PPP4R3A: variants seen among roughly 807,000 people sequenced by gnomAD.
PPP4R3A encodes the protein protein phosphatase 4 regulatory subunit 3A.
A neutral mutation model predicts 91.7 loss-of-function variants in PPP4R3A; 15 were observed. The observed-to-expected ratio is 0.16, with a 90% confidence interval of 0.11 to 0.25. The LOEUF is 0.25. Ranked by LOEUF, PPP4R3A falls within the 10% of genes least tolerant of loss-of-function variation. The pLI, the probability that PPP4R3A is intolerant of heterozygous loss-of-function variation, is 1.00. For synonymous variants in PPP4R3A, 377 were observed against 348.7 expected (o/e 1.08, Z -0.91); for missense variants, 623 against 998.4 (o/e 0.62, Z 5.07).
At chr14:91,466,429 G>T in intron 10 of PPP4R3A, 2 of 985,746 alleles carry the variant, frequency 2.0e-6, no homozygotes, top group Non-Finnish European at 2.4e-6. Flanking sequence ...GGGTGGGAAG[G>T]CAGAGGAGTA....
chr14:91,491,238 T>TA (rs1376041826), intron 1 of PPP4R3A, among the ~76,000 whole-genome samples: 4 of 151,734 alleles, frequency 2.6e-5, no homozygotes, highest in Admixed American at 6.6e-5. Context: ...TTTTTCACTT[T>TA]TTGTAGAGAT....
intron 4 of PPP4R3A, among the ~76,000 whole-genome samples, chr14:91,478,915 T>C (rs551462178): frequency 6.6e-6 from 1 of 152,342 alleles, no homozygotes; most frequent in East Asian, 1.9e-4. Flanking sequence ...ATTTTACTTA[T>C]ACACCTGAGG....
intron 1 of PPP4R3A, among the ~76,000 whole-genome samples, chr14:91,505,497 T>TA (rs1390001926): frequency 6.6e-6 from 1 of 150,852 alleles, no homozygotes; most frequent in Non-Finnish European, 1.5e-5. Context: ...CAAAAGCCCC[T>TA]ATCACACTAT....
At chr14:91,486,991 A>C (rs1889930091) in intron 2 of PPP4R3A, among the ~76,000 whole-genome samples, 1 of 151,794 alleles carries the variant, frequency 6.6e-6, no homozygotes, top group Non-Finnish European at 1.5e-5. Context: ...TCATGCCTCT[A>C]ATCACAGCAC....
chr14:91,494,086 TA>T (rs1220948471), intron 1 of PPP4R3A, among the ~76,000 whole-genome samples: 1 of 152,064 alleles, frequency 6.6e-6, no homozygotes, highest in Non-Finnish European at 1.5e-5. Context: ...ACCCCGTCTC[TA>T]CTAAAGACAC....
rs191882303 is a variant in PPP4R3A at position 91,461,058 on chromosome 14, T to A, written c.2391+323A>T. Among the ~76,000 whole-genome samples the A allele has an allele frequency of 2.0e-5, 3 of 152,348 alleles. No individual in the cohort carries two copies. In the East Asian group the frequency reaches 5.8e-4, roughly 29 times the overall value. ...ACAAAGGCTTTATCTGGGTATTAGT[T>A]AGGAACATTTATTCAAGAATAACTG... On this transcript the variant is annotated intron_variant, in intron 14 of 14. Transcript: ENST00000554943.
chr14:91,480,197 A>T (rs1889469584), intron 4 of PPP4R3A, among the ~76,000 whole-genome samples: 1 of 152,332 alleles, frequency 6.6e-6, no homozygotes, highest in Middle Eastern at 3.4e-3. Flanking sequence ...ATAGACACTT[A>T]AAAAATTCCC....
At chr14:91,464,282 C>T (rs1888343822) in intron 11 of PPP4R3A, among the ~76,000 whole-genome samples, 1 of 152,042 alleles carries the variant, frequency 6.6e-6, no homozygotes, top group Non-Finnish European at 1.5e-5. Context: ...GATCATGCCA[C>T]CGCACTTCAG....
At chr14:91,470,760 C>G in intron 10 of PPP4R3A, 77 bp downstream of exon 10, 1 of 1,513,234 alleles carries the variant, frequency 6.6e-7, no homozygotes. Context: ...AATCAGTGGT[C>G]TTTTCATTTG....
At chr14:91,458,906 T>C (rs1887941563) in intron 14 of PPP4R3A, 37 bp from the exon 15 acceptor site, 2 of 1,537,276 alleles carry the variant, frequency 1.3e-6, no homozygotes, top group Middle Eastern at 2.3e-4. Flanking sequence ...GAACAGAAAA[T>C]AAAACATATA....
rs146334785 is a variant in PPP4R3A, at chr14:91,491,546, T to C, written c.143-744A>G. ...CCTCAGCCTCCTGAGAAGCTGGGAG[T>C]ACAGGCATGTGCCACCACGCCCAGA... is the stretch of plus-strand genomic sequence containing the variant. On this transcript the variant is annotated intron_variant, in intron 1 of 14. Coordinates refer to ENST00000554943, the MANE Select transcript of PPP4R3A (RefSeq NM_001366432.2). 5.0e-3 allele frequency among the ~76,000 whole-genome samples: 760 copies of C among 152,104 alleles called. 6 individuals carry two copies. Among genetic ancestry groups the C allele is most frequent in the Non-Finnish European group, 7.6e-3 (520 of 68,006 alleles).
intron 5 of PPP4R3A, 40 bp from the exon 6 acceptor site, chr14:91,476,564 TTTTA>T (rs779567747): frequency 7.2e-5 from 98 of 1,351,982 alleles, no homozygotes; most frequent in South Asian, 8.9e-5. Context: ...AAAAAGTTTA[TTTTA>T]TTTATTTATT....
chr14:91,479,787 C>T (rs1311713564), intron 4 of PPP4R3A, among the ~76,000 whole-genome samples: 2 of 152,192 alleles, frequency 1.3e-5, no homozygotes, highest in East Asian at 3.9e-4. Context: ...GGTGATCCAC[C>T]CGCCTTGGCC....
chr14:91,479,457 TC>T (rs1889417448), intron 4 of PPP4R3A, among the ~76,000 whole-genome samples: 1 of 151,836 alleles, frequency 6.6e-6, no homozygotes, highest in South Asian at 2.1e-4. Context: ...AGACTCAAAC[TC>T]CTGGGCTCAA....
intron 1 of PPP4R3A, among the ~76,000 whole-genome samples, chr14:91,496,272 T>C (rs1890565807): frequency 6.6e-6 from 1 of 152,200 alleles, no homozygotes; most frequent in Non-Finnish European, 1.5e-5. Context: ...TACTTATGAT[T>C]TGTGTACCTT....
In PPP4R3A at chr14:91,474,807, C is replaced by G. The variant is rs183592761; in HGVS notation, c.1266+1004G>C. ...CTAAGTTTTAAAAATTAATTTTGTA[C>G]TAAAGGAGGGTCTTGCTATGTTGCT... On this transcript the variant is annotated intron_variant, in intron 7 of 14. Coordinates refer to ENST00000554943, the MANE Select transcript of PPP4R3A (RefSeq NM_001366432.2). 3.3e-5 allele frequency: 5 copies of G among 152,076 alleles called. No homozygotes were observed. The East Asian group carries it at 9.7e-4, about 29-fold the overall frequency. The allele number at this position is 152,076 out of a possible 1,614,324, so 9.4% of individuals were successfully genotyped here.
chr14:91,478,502 G>T (rs1458729718), intron 4 of PPP4R3A, among the ~76,000 whole-genome samples: 2 of 152,240 alleles, frequency 1.3e-5, no homozygotes, highest in African/African-American at 4.8e-5. Flanking sequence ...ACTTTGGATA[G>T]AAGTGTCCAG....
chr14:91,474,505 A>G (rs555558869), intron 7 of PPP4R3A: 2 of 152,246 alleles, frequency 1.3e-5, no homozygotes, highest in East Asian at 3.9e-4. Flanking sequence ...GGAAAAAAAA[A>G]GAGTCCTACT....
In PPP4R3A at chr14:91,476,390, A is replaced by G. The variant is rs377514682; in HGVS notation, c.1110+18T>C. ...GATTAAAAAATGGTAATTAAAAATG[A>G]GGAGACACAAAACTTACAAGGATGA... On this transcript the variant is annotated intron_variant, in intron 6 of 14. Transcript: ENST00000554943. 6.7e-7 allele frequency: 1 copy of G among 1,485,360 alleles called. No individual in the cohort carries two copies. Among genetic ancestry groups the G allele is most frequent in the Non-Finnish European group, 9.3e-7 (1 of 1,079,996 alleles). The allele number at this position is 1,485,360 out of a possible 1,614,324, so 92.0% of individuals were successfully genotyped here. A position where few individuals can be genotyped will look rare whatever the true frequency, so the allele number is the denominator to read the frequency against.
Sources: allele counts gnomAD v4.1 joint callset (sites outside exome capture counted in the v4.1 genomes callset), GRCh38; gene constraint gnomAD v4.1.1; transcripts MANE v1.5; gene names NCBI Gene and HGNC (gene_info 2026-07-23, HGNC 2026-07-21).